AP3D1: variants seen among roughly 807,000 people sequenced by gnomAD.
AP3D1 encodes the protein adaptor related protein complex 3 subunit delta 1, also known as AP-3 complex subunit delta-1.
In AP3D1, 51 loss-of-function variants were observed where a neutral mutation model predicts 147.6. That is an observed-to-expected ratio of 0.35 (90% CI 0.28 to 0.44). The LOEUF (loss-of-function observed/expected upper bound fraction) is 0.44. Ranked by LOEUF, AP3D1 falls within the 20% of genes least tolerant of loss-of-function variation. The pLI is 1.00. For missense variants in AP3D1, 1,421 were observed against 1,624.2 expected, an observed-to-expected ratio of 0.87 and a Z score of 2.15; for synonymous variants, 760 against 663.0, an observed-to-expected ratio of 1.15 and a Z score of -2.25.
chr19:2,140,296 C>A (rs970979129), intron 1 of AP3D1, among the ~76,000 whole-genome samples: 4 of 152,068 alleles, frequency 2.6e-5, no homozygotes, highest in Non-Finnish European at 5.9e-5. Context: ...AGTTACCGCC[C>A]CAGCAATTCC....
intron 2 of AP3D1, among the ~76,000 whole-genome samples, chr19:2,138,110 T>C (rs755658288): frequency 6.6e-6 from 1 of 152,142 alleles, no homozygotes; most frequent in Non-Finnish European, 1.5e-5. Flanking sequence ...GCGAATCGGC[T>C]CCTTGAAATA....
rs1263717688 is a variant in AP3D1 at position 2,114,276 on chromosome 19, G to A, written c.2450C>T (p.Pro817Leu). The A allele has an allele frequency of 6.2e-7, 1 of 1,611,956 alleles. No individual in the cohort carries two copies. Among genetic ancestry groups the A allele is most frequent in the South Asian group, 1.1e-5 (1 of 91,008 alleles). Reference protein sequence around the residue: ...DKPLADSEKLPIQKHRNTETS... With the variant: ...DKPLADSEKLLIQKHRNTETS... ...CTCGGTGTTTCTGTGTTTCTGAATA[G>A]GCAGTTTCTCGCTGTCGGCTAAGGG... Residue 817 changes from proline to leucine, a missense_variant, in exon 22 of 32, where the codon CCT becomes CTT. By Grantham distance (98) the Pro-to-Leu change is moderately conservative. Coordinates refer to ENST00000643116, the MANE Select transcript of AP3D1 (RefSeq NM_001261826.3).
chr19:2,160,138 C>T (rs1460998698), intron 1 of AP3D1, among the ~76,000 whole-genome samples: 5 of 152,170 alleles, frequency 3.3e-5, no homozygotes, highest in African/African-American at 4.8e-5. Context: ...CGTGAGCCAC[C>T]GTGCCCAGCC....
chr19:2,118,881 C>T (rs765744904), intron 14 of AP3D1, 49 bp from the exon 15 acceptor site: 56 of 1,558,726 alleles, frequency 3.6e-5, no homozygotes, highest in Non-Finnish European at 3.7e-5. Flanking sequence ...TCCCGGGGCT[C>T]CTCTCTAGCA....
intron 20 of AP3D1, 32 bp from the exon 21 acceptor site, chr19:2,114,853 A>G: frequency 6.2e-7 from 1 of 1,611,866 alleles, no homozygotes; most frequent in Non-Finnish European, 8.5e-7. Flanking sequence ...CATCACTGGA[A>G]CCCGCCCTTG....
intron 1 of AP3D1, among the ~76,000 whole-genome samples, chr19:2,163,536 G>A (rs2019782333): frequency 6.7e-6 from 1 of 149,474 alleles, no homozygotes; most frequent in Non-Finnish European, 1.5e-5. Flanking sequence ...GTTGTCGAAT[G>A]AATACTGGAC....
rs755674952 is a variant in AP3D1 at position 2,110,734 on chromosome 19, C to T, written c.3148G>A (p.Val1050Ile). ...RPQGSSVHDG[V>I]PVPFQLPPGV... ...GGGGGCAGCTGGAAAGGCACGGGGACGCCATCGTGGACGGAGGAGCCCTGC... is the reference window on the plus strand; with the variant it reads ...GGGGGCAGCTGGAAAGGCACGGGGATGCCATCGTGGACGGAGGAGCCCTGC... The change falls in exon 27 of 32, where the codon GTC (valine) becomes ATC (isoleucine). Residue 1050 changes from valine to isoleucine, a missense_variant. Val to Ile is a conservative substitution (Grantham distance 29, BLOSUM62 3). This residue lies in a region of AP3D1 where 791 missense variants were observed against 761.4 expected (regional missense o/e 1.04). Coordinates refer to ENST00000643116, the MANE Select transcript of AP3D1 (RefSeq NM_001261826.3). The T allele has an allele frequency of 2.2e-5, 35 of 1,606,674 alleles. No individual in the cohort carries two copies. The highest frequency in any genetic ancestry group is 1.5e-4 in the Admixed American group (9 of 59,460).
In AP3D1 at chr19:2,115,613, G is replaced by A. The variant is rs767508969; in HGVS notation, c.2074C>T (p.Arg692Trp). Residue 692 changes from arginine (R) to tryptophan (W), a missense_variant and splice_region_variant, in exon 19 of 32, where the codon CGG becomes TGG. Physicochemically the swap from Arg to Trp is moderately radical, Grantham distance 101 (BLOSUM62 -3). Coordinates refer to ENST00000643116, the MANE Select transcript of AP3D1 (RefSeq NM_001261826.3). Reference sequence around the variant, plus strand: ...TCCACGCCCGGGGTGTCCTGGTACCGCTGCAAAGGCAACACCCAGGCGTTA... The same window carrying A: ...TCCACGCCCGGGGTGTCCTGGTACCACTGCAAAGGCAACACCCAGGCGTTA... ...YIKSSPSPQK[R>W]YQDTPGVEHI... is the part of the protein sequence containing the mutation. 9.9e-6 allele frequency: 16 copies of A among 1,611,490 alleles called. No homozygotes were observed. The East Asian group carries it at 1.1e-4, about 11-fold the overall frequency.
chr19:2,164,336 C>A (rs1225724950), intron 1 of AP3D1: 4 of 1,075,074 alleles, frequency 3.7e-6, no homozygotes, highest in African/African-American at 1.7e-5. Flanking sequence ...ACACCCCAAA[C>A]CCCCCCAAGC....
rs1233056224 is a variant in AP3D1, at chr19:2,137,763, G to A, written c.237C>T (p.Ile79=). The change falls in exon 3 of 32, where the codon ATC becomes ATT. Residue 79 remains isoleucine (I), a synonymous_variant. Coordinates refer to ENST00000643116, the MANE Select transcript of AP3D1 (RefSeq NM_001261826.3). The stretch of plus-strand genomic sequence containing the variant: ...ACTTGGAGGCACTCATCACTTCTAT[G>A]ATGTTGAAGGCGGCCCAGCTGATGT... ...GYDISWAAFN[I]IEVMSASKFT... 3 of 1,613,962 alleles carry A rather than the reference G, an allele frequency of 1.9e-6. No homozygotes were observed. The East Asian group carries it at 6.7e-5, about 36-fold the overall frequency.
Position 2,131,839 on chromosome 19 carries a change from G to A in AP3D1, c.462+632C>T, listed in dbSNP as rs111720696. ...CACCTCCGGGCGGACAGGCAGCCAC[G>A]CGGGGACAGCGCCCATCGGCCACGA... is the stretch of plus-strand genomic sequence containing the variant. On this transcript the variant is annotated intron_variant, in intron 5 of 31. Transcript: ENST00000643116. Among the ~76,000 whole-genome samples the A allele has an allele frequency of 1.2e-3, 179 of 143,946 alleles. 1 individual carries two copies. The highest frequency in any genetic ancestry group is 2.4e-3 in the South Asian group (11 of 4,490). The allele number at this position is 143,946 out of a possible 152,430, so 94.4% of individuals were successfully genotyped here. A position where few individuals can be genotyped will look rare whatever the true frequency, so the allele number is the denominator to read the frequency against.
chr19:2,154,744 CAG>C, upstream of AP3D1, among the ~76,000 whole-genome samples: 1 of 152,386 alleles, frequency 6.6e-6, no homozygotes, highest in East Asian at 1.9e-4. Context: ...AGAAAAGCTA[CAG>C]AGAGACCAAG....
At chr19:2,117,680 C>T (rs1265513364) in intron 15 of AP3D1, among the ~76,000 whole-genome samples, 3 of 152,382 alleles carry the variant, frequency 2.0e-5, no homozygotes, top group Admixed American at 1.3e-4. Context: ...CCCGCGGGCT[C>T]CCCGCCTCTG....
At position 2,121,824 on chromosome 19, in the gene AP3D1, G is replaced by A. The variant is rs372250786; in HGVS notation, c.1011C>T (p.Ser337=). The A allele has an allele frequency of 1.2e-4, 199 of 1,612,576 alleles. No individual in the cohort carries two copies. Among genetic ancestry groups the A allele is most frequent in the East Asian group, 3.4e-4 (15 of 44,768 alleles). The change falls in exon 12 of 32, where the codon TCC becomes TCT. Residue 337 remains serine (S), a synonymous_variant. Transcript: ENST00000643116. ...GGATGAGGTCCTTGTGGGACTGCAC[G>A]GACTTGGGGTGGGTCTTCAGGATCT... ...MSKILKTHPK[S]VQSHKDLILQ... is the part of the protein sequence containing the mutation.
intron 6 of AP3D1, among the ~76,000 whole-genome samples, chr19:2,130,012 G>A (rs1423193662): frequency 5.3e-5 from 8 of 152,174 alleles, no homozygotes; most frequent in South Asian, 4.1e-4. Flanking sequence ...ATCTGCAGCC[G>A]CGTCCCGCAG....
In AP3D1 at chr19:2,116,716, T is replaced by A. The variant is rs2018464352; in HGVS notation, c.1890A>T (p.Pro630=). Residue 630 remains proline (P), a synonymous_variant, in exon 17 of 32, where the codon CCA becomes CCT. Transcript: ENST00000643116. ...CGTCCTCTGACTCGCTGTCCGAGAG[T>A]GGCTCATTGATCCAGGCGTCCAGGT... ...GLDLDAWINE[P]LSDSESEDER... 1.9e-6 allele frequency: 3 copies of A among 1,611,642 alleles called. No homozygotes were observed. In the East Asian group the frequency reaches 6.7e-5, roughly 36 times the overall value.
At chr19:2,164,365 C>A (rs1005856873) in exon 1 of AP3D1, 2 of 795,436 alleles carry the variant, frequency 2.5e-6, no homozygotes, top group Non-Finnish European at 3.3e-6. Flanking sequence ...CCGGTCCCCC[C>A]TGCGGAACGG....
chr19:2,111,173 G>A (rs917726801), intron 26 of AP3D1, 112 bp downstream of exon 26: 1 of 1,368,580 alleles, frequency 7.3e-7, no homozygotes, highest in Non-Finnish European at 1.0e-6. Flanking sequence ...GGAATCACAG[G>A]CCCTGGGTAT....
upstream of AP3D1, among the ~76,000 whole-genome samples, chr19:2,152,945 A>T (rs1321979172): frequency 6.6e-6 from 1 of 151,732 alleles, no homozygotes; most frequent in East Asian, 1.9e-4. Context: ...CAAATGACTT[A>T]TATCCTGGTG....
Sources: gnomAD v4.1 joint callset for allele counts (sites outside exome capture counted in the v4.1 genomes callset) on GRCh38, gnomAD v4.1.1 for gene constraint, gnomAD v4.1.1 regional missense constraint, MANE v1.5 for transcripts, NCBI Gene and HGNC (gene_info 2026-07-23, HGNC 2026-07-21) for gene names.